The following FGGY variants were observed in gnomAD, a reference collection of about 807,000 sequenced individuals.
FGGY encodes the protein FGGY carbohydrate kinase domain-containing protein.
Under a neutral mutation model 71.3 loss-of-function variants are expected in FGGY, and 72 were observed. The ratio of observed to expected loss-of-function variants is 1.01; its 90% CI spans 0.84 to 1.23. The LOEUF (loss-of-function observed/expected upper bound fraction) is 1.23, where lower values mean the gene tolerates loss of function less well. Ranked by LOEUF, FGGY falls within the 50% of genes most tolerant of loss-of-function variation. The probability of loss-of-function intolerance (pLI) is 0.00; values close to 1 mark genes in which losing one functional copy is unlikely to be tolerated. For missense variants in FGGY, 668 were observed against 682.3 expected, an observed-to-expected ratio of 0.98 and a Z score of 0.23; for synonymous variants, 251 against 250.3, an observed-to-expected ratio of 1.00 and a Z score of -0.02.
intron 14 of FGGY, among the ~76,000 whole-genome samples, chr1:59,679,142 G>T: frequency 6.6e-6 from 1 of 152,186 alleles, no homozygotes; most frequent in East Asian, 1.9e-4. Flanking sequence ...GTCATTCCTT[G>T]CAAACATCCT....
intron 14 of FGGY, among the ~76,000 whole-genome samples, chr1:59,734,721 G>A (rs2098084898): frequency 6.6e-6 from 1 of 152,192 alleles, no homozygotes; most frequent in African/African-American, 2.4e-5. Flanking sequence ...AGCCCCTGGG[G>A]GAGGGGATGG....
chr1:59,540,523 G>A (rs2095424121), intron 7 of FGGY, among the ~76,000 whole-genome samples: 1 of 152,202 alleles, frequency 6.6e-6, no homozygotes, highest in Non-Finnish European at 1.5e-5. Context: ...CTGTGGTGTA[G>A]ACATCTGGAC....
chr1:59,669,255 G>A (rs1047042612), intron 13 of FGGY, among the ~76,000 whole-genome samples: 1 of 152,106 alleles, frequency 6.6e-6, no homozygotes, highest in African/African-American at 2.4e-5. Flanking sequence ...TAACTGTGGT[G>A]TGTCGGGGCC....
At chr1:59,761,227 A>T (rs1364297933) in intron 15 of FGGY, among the ~76,000 whole-genome samples, 1 of 152,160 alleles carries the variant, frequency 6.6e-6, no homozygotes, top group African/African-American at 2.4e-5. Flanking sequence ...CCACATTAAG[A>T]TTCCAACCCA....
At chr1:59,308,548 A>G (rs200876898) in intron 1 of FGGY, among the ~76,000 whole-genome samples, 4 of 152,318 alleles carry the variant, frequency 2.6e-5, no homozygotes, top group Non-Finnish European at 4.4e-5. Context: ...TCTTTATACA[A>G]TACAGTGGTT....
intron 7 of FGGY, among the ~76,000 whole-genome samples, chr1:59,540,773 G>A (rs1047451073): frequency 6.6e-6 from 1 of 152,206 alleles, no homozygotes; most frequent in Non-Finnish European, 1.5e-5. Context: ...TCTGAAGAAC[G>A]GAGAGGAGGA....
intron 6 of FGGY, among the ~76,000 whole-genome samples, chr1:59,492,888 T>TA (rs2093912472): frequency 6.6e-6 from 1 of 152,172 alleles, no homozygotes; most frequent in Non-Finnish European, 1.5e-5. Context: ...CAAATTGAGT[T>TA]ACTTTTTAGC....
intron 14 of FGGY, among the ~76,000 whole-genome samples, chr1:59,733,863 A>G (rs1014547721): frequency 1.3e-5 from 2 of 152,048 alleles, no homozygotes; most frequent in Non-Finnish European, 2.9e-5. Context: ...TCTCTCCCTA[A>G]CACCCTCATC....
At chr1:59,551,744 A>G (rs1480958071) in intron 7 of FGGY, among the ~76,000 whole-genome samples, 2 of 152,096 alleles carry the variant, frequency 1.3e-5, no homozygotes, top group African/African-American at 4.8e-5. Flanking sequence ...CTAAGCTTCG[A>G]TTTTCTTATC....
intron 11 of FGGY, among the ~76,000 whole-genome samples, chr1:59,639,726 A>G (rs2097000572): frequency 6.6e-6 from 1 of 152,232 alleles, no homozygotes; most frequent in Non-Finnish European, 1.5e-5. Flanking sequence ...CCCAAAACAA[A>G]GCAGTGTTGC....
chr1:59,507,585 C>T (rs1443735009), intron 6 of FGGY, among the ~76,000 whole-genome samples: 1 of 151,512 alleles, frequency 6.6e-6, no homozygotes, highest in African/African-American at 2.4e-5. Flanking sequence ...GGCGCAATCT[C>T]GGCTTACTGC....
intron 5 of FGGY, among the ~76,000 whole-genome samples, chr1:59,444,370 C>T (rs2070725888): frequency 6.6e-6 from 1 of 152,114 alleles, no homozygotes; most frequent in Non-Finnish European, 1.5e-5. Context: ...GATTAATTAG[C>T]ATATCCATCT....
intron 5 of FGGY, among the ~76,000 whole-genome samples, chr1:59,380,446 C>G (rs964488373): frequency 6.6e-6 from 1 of 151,580 alleles, no homozygotes; most frequent in Non-Finnish European, 1.5e-5. Context: ...TCCACATCCT[C>G]TCCGGCACCT....
chr1:59,733,730 C>A (rs1422364217), intron 14 of FGGY, among the ~76,000 whole-genome samples: 1 of 152,162 alleles, frequency 6.6e-6, no homozygotes, highest in East Asian at 1.9e-4. Context: ...CTGAATTAAG[C>A]CCTGTGAGAT....
chr1:59,539,646 A>T (rs1396025054), intron 7 of FGGY, among the ~76,000 whole-genome samples: 1 of 152,250 alleles, frequency 6.6e-6, no homozygotes, highest in Admixed American at 6.5e-5. Context: ...ATTTAAAAAA[A>T]TAAAGTTCCT....
chr1:59,535,546 AC>A (rs1391820116), intron 7 of FGGY, among the ~76,000 whole-genome samples: 1 of 152,044 alleles, frequency 6.6e-6, no homozygotes, highest in Non-Finnish European at 1.5e-5. Flanking sequence ...TCAGCACCAC[AC>A]CACACCTATT....
chr1:59,704,250 T>G lies in FGGY; in HGVS notation c.1512+30117T>G, dbSNP rs6702737. Among the ~76,000 whole-genome samples, 1,087 of 152,190 alleles carry G rather than the reference T, an allele frequency of 7.1e-3. 15 individuals carry two copies. The highest frequency in any genetic ancestry group is 0.025 in the African/African-American group (1,023 of 41,540). Reference sequence around the variant, plus strand: ...GCTGGGTCAGAGGATTTCTCAATCCTGGGAGAACAGCAGATAACCCCGAGC... The same window carrying G: ...GCTGGGTCAGAGGATTTCTCAATCCGGGGAGAACAGCAGATAACCCCGAGC... On this transcript the variant is annotated intron_variant, in intron 14 of 15. Transcript: ENST00000303721.
chr1:59,308,246 C>T (rs941197362), intron 1 of FGGY, among the ~76,000 whole-genome samples: 1 of 152,124 alleles, frequency 6.6e-6, no homozygotes, highest in Admixed American at 6.5e-5. Flanking sequence ...TCATGAGAGT[C>T]ATCTTAAAAC....
rs189749750 is a variant in FGGY at position 59,613,088 on chromosome 1, A to G, written c.1011+5178A>G. The stretch of plus-strand genomic sequence containing the variant: ...CCCACTGACAACATTAGACAGATCA[A>G]CGAGACAGAACGTTAACAAGGATAT... On this transcript the variant is annotated intron_variant, in intron 9 of 15. Coordinates refer to ENST00000303721, the MANE Select transcript of FGGY (RefSeq NM_018291.5). Among the ~76,000 whole-genome samples the G allele has an allele frequency of 1.2e-4, 18 of 152,322 alleles. No homozygotes were observed. In the East Asian group the frequency reaches 2.9e-3, roughly 25 times the overall value.
Sources: gnomAD v4.1 joint callset for allele counts (sites outside exome capture counted in the v4.1 genomes callset) on GRCh38, gnomAD v4.1.1 for gene constraint, MANE v1.5 for transcripts, NCBI Gene and HGNC (gene_info 2026-07-23, HGNC 2026-07-21) for gene names.